The following TNS3 variants were observed in gnomAD, a reference collection of about 807,000 sequenced individuals.
The protein encoded by TNS3 is tensin-3.
TNS3 carries 45 observed loss-of-function variants against 140.9 expected under a neutral mutation model. The observed-to-expected ratio is 0.32, with a 90% CI of 0.25 to 0.41. TNS3 has a LOEUF of 0.41. TNS3 is among the 10% of genes least tolerant of loss of function. The probability of loss-of-function intolerance (pLI) is 1.00; values close to 1 mark genes in which losing one functional copy is unlikely to be tolerated. For missense variants in TNS3, 1,716 were observed against 1,906.7 expected (o/e 0.90, Z 1.86); for synonymous variants, 815 against 788.4 (o/e 1.03, Z -0.56).
At chr7:47,456,298 G>T (rs1796243152) in intron 4 of TNS3, among the ~76,000 whole-genome samples, 1 of 152,048 alleles carries the variant, frequency 6.6e-6, no homozygotes, top group Non-Finnish European at 1.5e-5. Context: ...AGCAATGGGG[G>T]GAGTATTTAT....
chr7:47,279,724 C>A (rs1267999277), intron 30 of TNS3: 1 of 167,518 alleles, frequency 6.0e-6, no homozygotes, highest in Non-Finnish European at 1.3e-5. Flanking sequence ...AAAACTCTAA[C>A]AGCTGCCTGG....
At chr7:47,416,000 C>T (rs1349401933) in intron 10 of TNS3, among the ~76,000 whole-genome samples, 2 of 152,260 alleles carry the variant, frequency 1.3e-5, no homozygotes, top group Non-Finnish European at 2.9e-5. Flanking sequence ...GCTTCCCTGG[C>T]CTGTCCTGCC....
In TNS3 at chr7:47,368,468, C is replaced by T. The variant is rs1447289057; in HGVS notation, c.2178G>A (p.Gln726=). 3 of 1,589,052 alleles carry T rather than the reference C, an allele frequency of 1.9e-6. No individual in the cohort carries two copies. The highest frequency in any genetic ancestry group is 1.7e-5 in the Admixed American group (1 of 58,696). The change falls in exon 17 of 31, where the codon CAG becomes CAA. Residue 726 remains glutamine, a synonymous_variant. Transcript: ENST00000311160. ...TGTCTGGAGACACAGAGCCATTGGC[C>T]TGGCTACCGAGGGCGTTCATGTGGG... is the stretch of plus-strand genomic sequence containing the variant. ...IPTHMNALGS[Q]ANGSVSPDSV...
chr7:47,559,624 T>C (rs1423253362), intron 1 of TNS3, among the ~76,000 whole-genome samples: 1 of 152,016 alleles, frequency 6.6e-6, no homozygotes, highest in Non-Finnish European at 1.5e-5. Context: ...CAGGAGCCAA[T>C]CTTACGAGAG....
intron 2 of TNS3, among the ~76,000 whole-genome samples, chr7:47,523,105 C>T (rs1322011075): frequency 4.6e-5 from 7 of 152,114 alleles, no homozygotes; most frequent in Admixed American, 4.6e-4. Context: ...CAAGGCACCA[C>T]AGATGTGGTG....
At chr7:47,318,881 G>T (rs1787565443) in intron 20 of TNS3, among the ~76,000 whole-genome samples, 1 of 152,242 alleles carries the variant, frequency 6.6e-6, no homozygotes. Flanking sequence ...TTAGTCCGCA[G>T]AATAATTCCA....
rs188609256 is a variant in TNS3, at chr7:47,458,295, G to A, written c.-75-16240C>T. On this transcript the variant is annotated intron_variant, in intron 4 of 30. Coordinates refer to ENST00000311160, the MANE Select transcript of TNS3 (RefSeq NM_022748.12). ...CACACGCCATGGGACAGTCACCTGG[G>A]GCTCTGCCAAAGGGCAGCTTCACTA... Among the ~76,000 whole-genome samples, 313 of 152,314 alleles carry A rather than the reference G, an allele frequency of 2.1e-3. 1 individual carries two copies. The highest frequency in any genetic ancestry group is 6.8e-3 in the Middle Eastern group (2 of 294).
At chr7:47,422,552 G>A (rs1794426593) in intron 10 of TNS3, among the ~76,000 whole-genome samples, 1 of 152,062 alleles carries the variant, frequency 6.6e-6, no homozygotes, top group Non-Finnish European at 1.5e-5. Context: ...GGTTGAGGCT[G>A]CTGTGAGCCA....
chr7:47,562,885 C>T (rs906841247), intron 1 of TNS3, among the ~76,000 whole-genome samples: 1 of 152,224 alleles, frequency 6.6e-6, no homozygotes, highest in African/African-American at 2.4e-5. Context: ...GTAAGAACAG[C>T]ATGGATAAAT....
At chr7:47,520,305 A>G (rs1249997718) in intron 2 of TNS3, among the ~76,000 whole-genome samples, 3 of 152,188 alleles carry the variant, frequency 2.0e-5, no homozygotes, top group African/African-American at 7.2e-5. Context: ...AGAGAGTAGC[A>G]TTACATCCAT....
intron 4 of TNS3, among the ~76,000 whole-genome samples, chr7:47,451,229 C>T (rs1042734227): frequency 1.3e-5 from 2 of 152,172 alleles, no homozygotes; most frequent in African/African-American, 2.4e-5. Flanking sequence ...AGGGCCTGTG[C>T]GCTGCTCCTA....
intron 20 of TNS3, 35 bp from the exon 21 acceptor site, chr7:47,305,038 G>GT: frequency 7.6e-7 from 1 of 1,324,442 alleles, no homozygotes; most frequent in Non-Finnish European, 9.7e-7. Context: ...AGAGACCTCG[G>GT]TTGTAGGACT....
intron 27 of TNS3, 75 bp downstream of exon 27, chr7:47,291,880 G>T: frequency 6.7e-7 from 1 of 1,488,832 alleles, no homozygotes; most frequent in South Asian, 1.2e-5. Flanking sequence ...ATACTGAAGT[G>T]CAAAAGGAAG....
At chr7:47,386,919 G>T (rs1429192257) in intron 16 of TNS3, among the ~76,000 whole-genome samples, 1 of 152,114 alleles carries the variant, frequency 6.6e-6, no homozygotes, top group Non-Finnish European at 1.5e-5. Flanking sequence ...TTTAAGTAAG[G>T]AACACACCCA....
chr7:47,334,516 C>G (rs1788515383), intron 20 of TNS3, among the ~76,000 whole-genome samples: 1 of 151,860 alleles, frequency 6.6e-6, no homozygotes, highest in Non-Finnish European at 1.5e-5. Context: ...GCAATGTTCA[C>G]CTTCAAATAG....
chr7:47,529,856 G>A (rs536015490), intron 1 of TNS3, among the ~76,000 whole-genome samples: 99 of 152,344 alleles, frequency 6.5e-4, no homozygotes, highest in African/African-American at 1.9e-3. Flanking sequence ...GCTGATATGT[G>A]ACCGTGTATT....
rs772424760 is a variant in TNS3 at position 47,487,725 on chromosome 7, C to CAAGTT, written c.-114-6585_-114-6584insAACTT. Reference sequence around the variant, plus strand: ...AGTTAAGCCAAGTACAGAGACATCACCTTATGCACAAGTTCTATCATACAT... The same window carrying CAAGTT: ...AGTTAAGCCAAGTACAGAGACATCACAAGTTCTTATGCACAAGTTCTATCATACAT... On this transcript the variant is annotated intron_variant, in intron 3 of 30. Coordinates refer to ENST00000311160, the MANE Select transcript of TNS3 (RefSeq NM_022748.12). Among the ~76,000 whole-genome samples the CAAGTT allele has an allele frequency of 6.9e-3, 1,050 of 152,230 alleles. 6 individuals are homozygous for CAAGTT. The highest frequency in any genetic ancestry group is 0.012 in the Non-Finnish European group (833 of 68,024).
At chr7:47,419,651 C>T (rs1794267781) in intron 10 of TNS3, among the ~76,000 whole-genome samples, 1 of 152,214 alleles carries the variant, frequency 6.6e-6, no homozygotes, top group African/African-American at 2.4e-5. Context: ...CTGGGGATCA[C>T]AAGATTTGCA....
At chr7:47,352,113 T>A (rs533309439) in intron 17 of TNS3, among the ~76,000 whole-genome samples, 80 of 151,582 alleles carry the variant, frequency 5.3e-4, no homozygotes, top group African/African-American at 1.7e-3. Flanking sequence ...CTTCACACTC[T>A]TAGTCTCTCA....
Sources: gnomAD v4.1 joint callset for allele counts (sites outside exome capture counted in the v4.1 genomes callset) on GRCh38, gnomAD v4.1.1 for gene constraint, MANE v1.5 for transcripts, NCBI Gene and HGNC (gene_info 2026-07-23, HGNC 2026-07-21) for gene names.